The following CFTR variants were observed in gnomAD, a reference collection of about 807,000 sequenced individuals.
The protein encoded by CFTR is cystic fibrosis transmembrane conductance regulator.
Under a neutral mutation model 171.6 loss-of-function variants are expected in CFTR, and 181 were observed. The ratio of observed to expected loss-of-function variants is 1.05; its 90% CI spans 0.93 to 1.19. The LOEUF is 1.19. Among genes scored for constraint, CFTR ranks in the 50% most tolerant of loss-of-function variants. CFTR has a pLI of 0.00. For synonymous variants in CFTR, 583 were observed against 608.0 expected (o/e 0.96, Z 0.60); for missense variants, 1,968 against 1,734.7 (o/e 1.13, Z -2.39).
At chr7:117,636,503 C>G (rs1229465729) in intron 22 of CFTR, among the ~76,000 whole-genome samples, 1 of 151,606 alleles carries the variant, frequency 6.6e-6, no homozygotes, top group Non-Finnish European at 1.5e-5. Context: ...TTCCTTTATT[C>G]TCCTTCTGGT....
intron 9 of CFTR, among the ~76,000 whole-genome samples, chr7:117,544,462 G>A (rs213936): frequency 0.56 from 84,639 of 152,054 alleles, 26,527 homozygotes; most frequent in African/African-American, 0.86. Flanking sequence ...CACAATACAT[G>A]GAGAAAATAG....
chr7:117,488,169 T>C (rs926650722), intron 1 of CFTR, among the ~76,000 whole-genome samples: 4 of 152,146 alleles, frequency 2.6e-5, no homozygotes, highest in Non-Finnish European at 5.9e-5. Flanking sequence ...ATAGACAATA[T>C]GCAAACAAAT....
rs1308140611 is a variant in CFTR, at chr7:117,642,512, A to G, written c.3792A>G (p.Glu1264=). The G allele has an allele frequency of 6.2e-7, 1 of 1,613,612 alleles. No individual in the cohort carries two copies. The highest frequency in any genetic ancestry group is 1.3e-5 in the African/African-American group (1 of 74,914). ...CTTTTTTGAGACTACTGAACACTGA[A>G]GGAGAAATCCAGATCGATGGTGTGT... The part of the protein sequence containing the change: ...LSAFLRLLNT[E]GEIQIDGVSW... Residue 1264 remains glutamate (E), a synonymous_variant, in exon 23 of 27, where the codon GAA becomes GAG. Transcript: ENST00000003084.
intron 22 of CFTR, among the ~76,000 whole-genome samples, chr7:117,641,922 A>G (rs1178288734): frequency 6.6e-6 from 1 of 152,220 alleles, no homozygotes; most frequent in Non-Finnish European, 1.5e-5. Context: ...TTCTCTGGGA[A>G]TATACTGCTG....
At chr7:117,517,066 G>T (rs1420451219) in intron 3 of CFTR, among the ~76,000 whole-genome samples, 3 of 152,042 alleles carry the variant, frequency 2.0e-5, no homozygotes. Context: ...TCCAGGAAAA[G>T]AAACTATCAT....
intron 10 of CFTR, among the ~76,000 whole-genome samples, chr7:117,549,063 T>C (rs903879706): frequency 1.3e-5 from 2 of 152,280 alleles, no homozygotes; most frequent in Admixed American, 6.5e-5. Context: ...TGCACCACAT[T>C]CAACACTGTA....
At chr7:117,658,253 G>T (rs1268090303) in intron 24 of CFTR, among the ~76,000 whole-genome samples, 1 of 151,970 alleles carries the variant, frequency 6.6e-6, no homozygotes, top group Non-Finnish European at 1.5e-5. Flanking sequence ...AAAAAAAAAA[G>T]ACTTCTGGCA....
intron 14 of CFTR, among the ~76,000 whole-genome samples, chr7:117,593,659 A>C (rs1167155412): frequency 6.6e-6 from 1 of 152,084 alleles, no homozygotes; most frequent in African/African-American, 2.4e-5. Flanking sequence ...GCAATGGTGC[A>C]ACCTCGGCTC....
chr7:117,627,815 G>A lies in CFTR; in HGVS notation c.3717+45G>A, dbSNP rs145743767. On this transcript the variant is annotated intron_variant, in intron 22 of 26. Coordinates refer to ENST00000003084, the MANE Select transcript of CFTR (RefSeq NM_000492.4). The stretch of plus-strand genomic sequence containing the variant: ...TGCTTTGTTAGACTGTGTTCAGTAA[G>A]TGAATCCCAGTAGCCTGAAGCAATG... 555 of 1,590,306 alleles carry A rather than the reference G, an allele frequency of 3.5e-4. 3 individuals are homozygous for A. In the East Asian group the frequency reaches 9.4e-3, roughly 27 times the overall value.
intron 21 of CFTR, among the ~76,000 whole-genome samples, chr7:117,615,835 TCA>T (rs1792478951): frequency 6.6e-6 from 1 of 152,026 alleles, no homozygotes; most frequent in Admixed American, 6.6e-5. Flanking sequence ...GATAGCTTCA[TCA>T]TTGAATTTTT....
intron 2 of CFTR, among the ~76,000 whole-genome samples, chr7:117,505,857 C>T (rs1219478127): frequency 2.6e-5 from 4 of 152,074 alleles, no homozygotes; most frequent in Non-Finnish European, 5.9e-5. Flanking sequence ...AGATATTAAA[C>T]TTTATTTTTA....
intron 11 of CFTR, among the ~76,000 whole-genome samples, chr7:117,573,511 A>G (rs1036547686): frequency 3.9e-5 from 6 of 152,126 alleles, no homozygotes; most frequent in African/African-American, 2.4e-5. Flanking sequence ...ACACATAGTA[A>G]TCACAGGTCA....
intron 1 of CFTR, among the ~76,000 whole-genome samples, chr7:117,494,413 G>T (rs1237708782): frequency 7.2e-6 from 1 of 138,540 alleles, no homozygotes; most frequent in African/African-American, 3.1e-5. Context: ...TGCCTGTAGT[G>T]GTTCATGCCA....
chr7:117,536,697 T>C, intron 7 of CFTR, 24 bp downstream of exon 7: 1 of 1,590,172 alleles, frequency 6.3e-7, no homozygotes, highest in Non-Finnish European at 8.6e-7. Flanking sequence ...ATAATTTCAA[T>C]ATTGTTAGTA....
rs397508297 is a variant in CFTR at position 117,590,436 on chromosome 7, A to T, written c.1763A>T (p.Glu588Val). The change falls in exon 13 of 27, where the codon GAA becomes GTA. Residue 588 changes from glutamate to valine, a missense_variant. By Grantham distance (121) the Glu-to-Val change is moderately radical (BLOSUM62 -2). Coordinates refer to ENST00000003084, the MANE Select transcript of CFTR (RefSeq NM_000492.4). ...GTTTTAACAGAAAAAGAAATATTTGAAAGGTATGTTCTTTGAATACCTTAC... is the reference window on the plus strand; with the variant it reads ...GTTTTAACAGAAAAAGAAATATTTGTAAGGTATGTTCTTTGAATACCTTAC... ...LDVLTEKEIF[E>V]SCVCKLMANK... 6.2e-7 allele frequency: 1 copy of T among 1,600,896 alleles called. No homozygotes were observed.
intron 2 of CFTR, among the ~76,000 whole-genome samples, chr7:117,506,571 G>T (rs1006763454): frequency 5.9e-5 from 9 of 152,122 alleles, no homozygotes; most frequent in Admixed American, 3.9e-4. Flanking sequence ...TTAATTGGAT[G>T]CTGAGGGAAT....
intron 17 of CFTR, 36 bp from the exon 18 acceptor site, chr7:117,606,638 T>C (rs1432311951): frequency 1.8e-6 from 2 of 1,105,136 alleles, no homozygotes; most frequent in Non-Finnish European, 2.8e-6. Context: ...AAAAAATTAG[T>C]GTTTTTTGAG....
intron 6 of CFTR, 114 bp downstream of exon 6, chr7:117,535,525 A>ATTTTTTT (rs764945997): frequency 1.6e-5 from 8 of 500,394 alleles, no homozygotes; most frequent in African/African-American, 1.5e-4. Flanking sequence ...GTGTCATTAA[A>ATTTTTTT]TTTTTTTTTT....
chr7:117,547,411 T>A (rs1177033303), intron 9 of CFTR, among the ~76,000 whole-genome samples: 1 of 152,078 alleles, frequency 6.6e-6, no homozygotes, highest in Non-Finnish European at 1.5e-5. Context: ...ATAAAATTGG[T>A]TCTTATTGTC....
Sources: gnomAD v4.1 joint callset for allele counts (sites outside exome capture counted in the v4.1 genomes callset) on GRCh38, gnomAD v4.1.1 for gene constraint, MANE v1.5 for transcripts, NCBI Gene and HGNC (gene_info 2026-07-23, HGNC 2026-07-21) for gene names.